The following TSPEAR variants were observed in gnomAD, a reference collection of about 807,000 sequenced individuals.
TSPEAR encodes thrombospondin type laminin G domain and EAR repeats, also known as thrombospondin-type laminin G domain and EAR repeat-containing protein.
In TSPEAR, 69 loss-of-function variants were observed where a neutral mutation model predicts 71.6. The observed-to-expected ratio is 0.96, with a 90% confidence interval of 0.79 to 1.18. TSPEAR has a LOEUF of 1.18. TSPEAR is among the 50% of genes most tolerant of loss of function. The pLI is 0.00. For missense variants in TSPEAR, 971 were observed against 894.9 expected (o/e 1.09, Z -1.09); for synonymous variants, 402 against 387.2 (o/e 1.04, Z -0.45).
At chr21:44,550,926 C>G (rs1267525714) in intron 2 of TSPEAR, 7 of 1,472,406 alleles carry the variant, frequency 4.8e-6, no homozygotes, top group Non-Finnish European at 6.4e-6. Context: ...GGACTGCTGA[C>G]ACGGGGAGGA....
At chr21:44,580,454 G>C in intron 1 of TSPEAR, 1 of 1,613,216 alleles carries the variant, frequency 6.2e-7, no homozygotes, top group Non-Finnish European at 8.5e-7. Flanking sequence ...GCTCACTGGG[G>C]TGCAGACCAG....
At chr21:44,597,559 A>G (rs1206763918) in intron 1 of TSPEAR, among the ~76,000 whole-genome samples, 12 of 151,172 alleles carry the variant, frequency 7.9e-5, no homozygotes, top group South Asian at 2.1e-4. Context: ...CAGCCTCCCA[A>G]GTAGCTGAGA....
intron 1 of TSPEAR, among the ~76,000 whole-genome samples, chr21:44,707,721 C>A (rs1432830683): frequency 6.6e-6 from 1 of 152,154 alleles, no homozygotes; most frequent in Non-Finnish European, 1.5e-5. Flanking sequence ...GGGTCCTTAA[C>A]TCTGAGATTT....
chr21:44,701,867 C>T (rs367677112), intron 1 of TSPEAR, among the ~76,000 whole-genome samples: 4 of 152,184 alleles, frequency 2.6e-5, no homozygotes, highest in East Asian at 1.9e-4. Context: ...AACACTAGAA[C>T]GTGTCCCCCC....
intron 11 of TSPEAR, among the ~76,000 whole-genome samples, chr21:44,500,822 G>T (rs1485023255): frequency 2.0e-5 from 3 of 152,106 alleles, no homozygotes; most frequent in Non-Finnish European, 4.4e-5. Context: ...TTTTTTATTA[G>T]TTTGTAAGGG....
At chr21:44,501,322 G>A (rs1342036579) in intron 11 of TSPEAR, among the ~76,000 whole-genome samples, 4 of 152,012 alleles carry the variant, frequency 2.6e-5, no homozygotes, top group African/African-American at 4.8e-5. Context: ...TGGGCTAGGC[G>A]CAGTGGCTCA....
At chr21:44,669,948 A>C (rs1369967170) in intron 1 of TSPEAR, among the ~76,000 whole-genome samples, 1 of 152,220 alleles carries the variant, frequency 6.6e-6, no homozygotes, top group Non-Finnish European at 1.5e-5. Context: ...AACCCCAGGA[A>C]GGAGGCACGC....
chr21:44,517,944 C>T (rs1372722739), intron 9 of TSPEAR: 4 of 434,638 alleles, frequency 9.2e-6, no homozygotes, highest in South Asian at 5.1e-5. Context: ...CTGTCCTCAC[C>T]CTCTTCTTTT....
chr21:44,504,928 G>A, intron 10 of TSPEAR, 47 bp from the exon 11 acceptor site: 1 of 1,483,538 alleles, frequency 6.7e-7, no homozygotes, highest in Non-Finnish European at 9.4e-7. Context: ...GACATCGCCA[G>A]GGAACTGGGG....
chr21:44,637,510 C>T, intron 1 of TSPEAR: 1 of 1,613,376 alleles, frequency 6.2e-7, no homozygotes, highest in East Asian at 2.2e-5. Context: ...AGCCCTGCTG[C>T]TGTGCCCCAG....
intron 1 of TSPEAR, among the ~76,000 whole-genome samples, chr21:44,685,655 GTGGC>G (rs1986823208): frequency 6.6e-6 from 1 of 152,186 alleles, no homozygotes; most frequent in African/African-American, 2.4e-5. Flanking sequence ...AGACGCCAAC[GTGGC>G]TGATGTTTTC....
intron 2 of TSPEAR, among the ~76,000 whole-genome samples, chr21:44,556,519 C>T (rs188276174): frequency 3.3e-5 from 5 of 152,138 alleles, no homozygotes; most frequent in South Asian, 4.2e-4. Flanking sequence ...GGTGAAACCC[C>T]GTCTTTACTA....
At position 44,588,498 on chromosome 21, in the gene TSPEAR, C is replaced by T. The variant is rs587615215; in HGVS notation, c.83-20493G>A. Among the ~76,000 whole-genome samples the T allele has an allele frequency of 5.9e-5, 9 of 152,130 alleles. No individual in the cohort carries two copies. The East Asian group carries it at 1.2e-3, about 20-fold the overall frequency. ...CCTTAAAGAACTAAAAGTAGATCCA[C>T]CATTTGATCCAGCAAATCCACTACT... is the stretch of plus-strand genomic sequence containing the variant. On this transcript the variant is annotated intron_variant, in intron 1 of 11. Coordinates refer to ENST00000323084, the MANE Select transcript of TSPEAR (RefSeq NM_144991.3).
At position 44,504,865 on chromosome 21, in the gene TSPEAR, A is replaced by T; in HGVS notation, c.1771T>A (p.Phe591Ile). 2 of 1,613,600 alleles carry T rather than the reference A, an allele frequency of 1.2e-6. No individual in the cohort carries two copies. The highest frequency in any genetic ancestry group is 1.7e-6 in the Non-Finnish European group (2 of 1,179,788). The stretch of plus-strand genomic sequence containing the variant: ...AAATAATCTTCTCCCACCGAGAAAA[A>T]CTCCCAGTCCAGAGCACTGCAGGAA... ...ILTCSALDWE[F>I]FSVGEDYFLV... Residue 591 changes from phenylalanine (F) to isoleucine (I), a missense_variant, in exon 11 of 12, where the codon TTT becomes ATT. Phe to Ile is a conservative substitution (Grantham distance 21). Transcript: ENST00000323084.
At chr21:44,677,176 C>T (rs1297111884) in intron 1 of TSPEAR, 5 of 713,032 alleles carry the variant, frequency 7.0e-6, no homozygotes, top group East Asian at 2.7e-5. Context: ...GCCCCAGCAA[C>T]CTCTTCTTTC....
chr21:44,696,911 C>T (rs1028107372), intron 1 of TSPEAR, among the ~76,000 whole-genome samples: 1 of 152,206 alleles, frequency 6.6e-6, no homozygotes, highest in Admixed American at 6.5e-5. Flanking sequence ...CAAACACCAA[C>T]AAGGAAAGAA....
intron 1 of TSPEAR, among the ~76,000 whole-genome samples, chr21:44,632,039 C>G (rs1255967966): frequency 6.6e-6 from 1 of 152,160 alleles, no homozygotes; most frequent in African/African-American, 2.4e-5. Context: ...TTTAATATCA[C>G]TGAACGGTAC....
chr21:44,621,324 C>A (rs587767972), intron 1 of TSPEAR, among the ~76,000 whole-genome samples: 26 of 152,344 alleles, frequency 1.7e-4, no homozygotes, highest in Middle Eastern at 3.4e-3. Flanking sequence ...TTCTTCAAAT[C>A]TGTCCATTTT....
intron 2 of TSPEAR, among the ~76,000 whole-genome samples, chr21:44,561,633 CA>C (rs1370805369): frequency 6.6e-6 from 1 of 152,158 alleles, no homozygotes; most frequent in African/African-American, 2.4e-5. Context: ...TTATACACCA[CA>C]ATCAAGTCAG....
Sources: allele counts gnomAD v4.1 joint callset (sites outside exome capture counted in the v4.1 genomes callset), GRCh38; gene constraint gnomAD v4.1.1; transcripts MANE v1.5; gene names NCBI Gene and HGNC (gene_info 2026-07-23, HGNC 2026-07-21).